LMLN: variants seen among roughly 807,000 people sequenced by gnomAD.
LMLN encodes the protein leishmanolysin like peptidase, also known as leishmanolysin-like peptidase.
Under a neutral mutation model 92.3 loss-of-function variants are expected in LMLN, and 70 were observed. The ratio of observed to expected loss-of-function variants is 0.76; its 90% CI spans 0.63 to 0.92. The LOEUF is 0.92. LMLN is among the 40% of genes least tolerant of loss of function. The pLI is 0.00. For synonymous variants in LMLN, 308 were observed against 296.2 expected, an observed-to-expected ratio of 1.04 and a Z score of -0.41; for missense variants, 691 against 814.6, an observed-to-expected ratio of 0.85 and a Z score of 1.85.
chr3:197,995,959 A>C (rs1722006467), intron 9 of LMLN, among the ~76,000 whole-genome samples: 1 of 152,210 alleles, frequency 6.6e-6, no homozygotes, highest in Non-Finnish European at 1.5e-5. Context: ...TTCAGAGAGA[A>C]GAAAAGATAC....
chr3:197,993,886 G>A (rs80074462), intron 9 of LMLN, among the ~76,000 whole-genome samples: 1,988 of 152,276 alleles, frequency 0.013, 44 homozygotes, highest in African/African-American at 0.045. Flanking sequence ...TAATTAAAAT[G>A]TCATGGTCCT....
At chr3:198,038,450 T>C in intron 15 of LMLN, 117 bp from the exon 17 acceptor site, 1 of 761,264 alleles carries the variant, frequency 1.3e-6, no homozygotes, top group Non-Finnish European at 2.2e-6. Flanking sequence ...GATTTAGCTC[T>C]CAAGGTGGTC....
At chr3:197,978,460 A>T (rs932973636) in intron 5 of LMLN, among the ~76,000 whole-genome samples, 4 of 152,042 alleles carry the variant, frequency 2.6e-5, no homozygotes, top group Non-Finnish European at 5.9e-5. Flanking sequence ...ACATTGTGAA[A>T]CCCTGTCTCT....
At position 198,010,687 on chromosome 3, in the gene LMLN, G is replaced by A. The variant is rs79599863; in HGVS notation, c.1233-8566G>A. On this transcript the variant is annotated intron_variant, in intron 11 of 15. Transcript: ENST00000330198. ...GCTAGTCTTGAACTCCTGGGCTCTA[G>A]CAATCGGCCCACCTCGGCCTCCCAA... Among the ~76,000 whole-genome samples the A allele has an allele frequency of 3.5e-4, 53 of 152,244 alleles. No homozygotes were observed. In the East Asian group the frequency reaches 7.3e-3, roughly 21 times the overall value.
chr3:198,013,565 C>G (rs1193224737), intron 11 of LMLN, among the ~76,000 whole-genome samples: 1 of 129,002 alleles, frequency 7.8e-6, no homozygotes, highest in Admixed American at 7.1e-5. Flanking sequence ...ACTAGTCTGA[C>G]TTCTCTGTAC....
exon 16 of LMLN, chr3:198,038,744 C>A: frequency 9.3e-7 from 1 of 1,076,952 alleles, no homozygotes; most frequent in Non-Finnish European, 1.4e-6. Context: ...GAGTGAGTGC[C>A]AACCTATGCA....
chr3:198,032,953 AG>A (rs1723117309), intron 14 of LMLN, among the ~76,000 whole-genome samples: 1 of 152,170 alleles, frequency 6.6e-6, no homozygotes, highest in African/African-American at 2.4e-5. Context: ...TCTTGGTACC[AG>A]GTGTGGCTGT....
At chr3:198,008,912 CTTTG>C (rs1362941155) in intron 11 of LMLN, among the ~76,000 whole-genome samples, 1 of 152,052 alleles carries the variant, frequency 6.6e-6, no homozygotes, top group Non-Finnish European at 1.5e-5. Flanking sequence ...TTTAGAAGTG[CTTTG>C]TTTAATTTCC....
chr3:197,967,674 C>T (rs112111814), intron 1 of LMLN, among the ~76,000 whole-genome samples: 3,851 of 152,248 alleles, frequency 0.025, 74 homozygotes, highest in Admixed American at 0.037. Flanking sequence ...AGCAGAGAAC[C>T]GGTCTGACCT....
At chr3:198,014,276 C>T (rs1320124866) in intron 11 of LMLN, among the ~76,000 whole-genome samples, 6 of 135,106 alleles carry the variant, frequency 4.4e-5, no homozygotes, top group East Asian at 2.3e-4. Context: ...GACTTCTCTC[C>T]ACCCTTCAGA....
At chr3:197,990,878 T>A (rs1285475042) in intron 9 of LMLN, among the ~76,000 whole-genome samples, 1 of 152,106 alleles carries the variant, frequency 6.6e-6, no homozygotes, top group Non-Finnish European at 1.5e-5. Context: ...ACAGCTCCTA[T>A]CCCACCCAGT....
chr3:197,992,554 C>A (rs1301898047), intron 9 of LMLN, among the ~76,000 whole-genome samples: 2 of 152,060 alleles, frequency 1.3e-5, no homozygotes, highest in Admixed American at 1.3e-4. Flanking sequence ...GAACAAATTC[C>A]TAGACAAATA....
chr3:197,988,014 G>C (rs1294590906), intron 8 of LMLN, among the ~76,000 whole-genome samples: 1 of 151,862 alleles, frequency 6.6e-6, no homozygotes, highest in Admixed American at 6.6e-5. Context: ...TCACGTTGTA[G>C]GAGTTCTTTA....
chr3:197,996,323 A>T (rs763415383), intron 10 of LMLN, 41 bp downstream of exon 10: 10 of 1,235,598 alleles, frequency 8.1e-6, no homozygotes, highest in Non-Finnish European at 1.1e-5. Context: ...TATTTAATGA[A>T]AATAATTCAT....
At chr3:197,964,407 T>TG (rs1720990353) in intron 1 of LMLN, among the ~76,000 whole-genome samples, 1 of 142,506 alleles carries the variant, frequency 7.0e-6, no homozygotes, top group Non-Finnish European at 1.6e-5. Flanking sequence ...TTGTTTTTTG[T>TG]TTTTTTTTTT....
intron 11 of LMLN, among the ~76,000 whole-genome samples, chr3:198,001,910 C>T (rs1034725501): frequency 6.6e-6 from 1 of 152,090 alleles, no homozygotes; most frequent in African/African-American, 2.4e-5. Flanking sequence ...ACCTTGGCCT[C>T]ACTAAGTACT....
intron 11 of LMLN, among the ~76,000 whole-genome samples, chr3:198,015,058 C>T (rs540563123): frequency 2.0e-5 from 3 of 147,514 alleles, no homozygotes. Context: ...TCTCTCCACC[C>T]TTCAGAGCCT....
intron 10 of LMLN, among the ~76,000 whole-genome samples, chr3:197,998,582 C>T (rs1387402446): frequency 1.3e-5 from 2 of 151,846 alleles, no homozygotes; most frequent in East Asian, 1.9e-4. Context: ...TTTTTTAAAG[C>T]GTGGTATCAC....
At chr3:197,985,509 C>T (rs765820563) in intron 7 of LMLN, 35 of 195,366 alleles carry the variant, frequency 1.8e-4, no homozygotes, top group Non-Finnish European at 3.2e-4. Flanking sequence ...TATAATTATA[C>T]GACAGTAATT....
Sources: gnomAD v4.1 joint callset for allele counts (sites outside exome capture counted in the v4.1 genomes callset) on GRCh38, gnomAD v4.1.1 for gene constraint, MANE v1.5 for transcripts, NCBI Gene and HGNC (gene_info 2026-07-23, HGNC 2026-07-21) for gene names.